Variants in ZNF763 observed in about 807,000 individuals in gnomAD.
The protein encoded by ZNF763 is zinc finger protein 763, also known as DNA-binding protein.
In ZNF763, 33 loss-of-function variants were observed where a neutral mutation model predicts 38.0. That is an observed-to-expected ratio of 0.87 (90% confidence interval 0.66 to 1.16). The LOEUF is 1.16. Ranked by LOEUF, ZNF763 falls within the 50% of genes most tolerant of loss-of-function variation. The pLI, the probability that ZNF763 is intolerant of heterozygous loss-of-function variation, is 0.00. For missense variants in ZNF763, 423 were observed against 469.1 expected (o/e 0.90, Z 0.91); for synonymous variants, 155 against 160.1 (o/e 0.97, Z 0.24).
chr19:11,977,282 T>C (rs1466144837), intron 2 of ZNF763, 89 bp from the exon 3 acceptor site: 14 of 1,604,506 alleles, frequency 8.7e-6, no homozygotes, highest in Non-Finnish European at 1.2e-5. Flanking sequence ...AAATGAGGCA[T>C]GGCTGCAGTA....
chr19:11,974,147 TTTCTTTCTTTCCTTCC>T (rs1483800239), intron 1 of ZNF763, among the ~76,000 whole-genome samples: 3 of 122,746 alleles, frequency 2.4e-5, no homozygotes, highest in Admixed American at 8.2e-5. Context: ...TCTTTCTTTC[TTTCTTTCTTTCCTTCC>T]TTCCTTCCTT....
At chr19:11,976,891 A>G in intron 1 of ZNF763, 147 bp from the exon 2 acceptor site, 1 of 1,511,418 alleles carries the variant, frequency 6.6e-7, no homozygotes, top group Non-Finnish European at 8.8e-7. Context: ...TGCTTTATGG[A>G]AGAAAGTACA....
In ZNF763 at chr19:11,978,531, A is replaced by T. The variant is rs1368887015; in HGVS notation, c.607A>T (p.Lys203Ter). 1.2e-6 allele frequency: 2 copies of T among 1,614,244 alleles called. No individual in the cohort carries two copies. The highest frequency in any genetic ancestry group is 2.2e-5 in the South Asian group (2 of 91,088). The change falls in exon 4 of 4, where the codon AAG becomes TAG. Residue 203 changes from lysine (K) to a stop codon, truncating the protein, a stop_gained. Coordinates refer to ENST00000358987, the MANE Select transcript of ZNF763 (RefSeq NM_001367172.2). LOFTEE classifies it high-confidence loss of function. ...CAGTGGGGATGGACCTTATAAATGT[A>T]AGTTTTGTGGGAAAGCTGTCCATTG... ...MHSGDGPYKC[K>*]FCGKAVHCLR...
At chr19:11,974,550 G>A (rs988200464) in intron 1 of ZNF763, among the ~76,000 whole-genome samples, 4 of 135,462 alleles carry the variant, frequency 3.0e-5, no homozygotes, top group African/African-American at 2.9e-5. Context: ...TCATATGTTT[G>A]TTTGACATAA....
intron 1 of ZNF763, among the ~76,000 whole-genome samples, chr19:11,967,650 A>G (rs1486283703): frequency 6.6e-6 from 1 of 152,026 alleles, no homozygotes. Context: ...TGATCCACCC[A>G]CCTCGGCCTC....
chr19:11,968,030 G>A (rs1017990204), intron 1 of ZNF763, among the ~76,000 whole-genome samples: 9 of 152,166 alleles, frequency 5.9e-5, no homozygotes, highest in African/African-American at 2.2e-4. Flanking sequence ...GGAGTGTAAG[G>A]ATACTTGCAG....
intron 1 of ZNF763, among the ~76,000 whole-genome samples, chr19:11,965,799 C>A (rs973070070): frequency 1.3e-5 from 2 of 152,076 alleles, no homozygotes; most frequent in Non-Finnish European, 2.9e-5. Context: ...GTGAGTGGTC[C>A]CGAGGCGGCT....
intron 1 of ZNF763, 53 bp from the exon 2 acceptor site, chr19:11,976,985 C>T: frequency 6.2e-7 from 1 of 1,609,974 alleles, no homozygotes; most frequent in African/African-American, 1.3e-5. Context: ...GAGTCTAGGC[C>T]CCCACTGCTG....
At chr19:11,973,920 T>C (rs1028944237) in intron 1 of ZNF763, among the ~76,000 whole-genome samples, 2 of 152,116 alleles carry the variant, frequency 1.3e-5, no homozygotes, top group African/African-American at 2.4e-5. Flanking sequence ...GTCTTCCAAA[T>C]TGGCTGTAGA....
At chr19:11,978,024 C>T in intron 3 of ZNF763, 92 bp from the exon 4 acceptor site, 2 of 1,489,962 alleles carry the variant, frequency 1.3e-6, no homozygotes, top group Admixed American at 2.2e-5. Context: ...AAGCCTACAC[C>T]TTGATGGACC....
chr19:11,980,174 G>C lies in ZNF763; in HGVS notation c.*1065G>C. 1 of 598,868 alleles carries C rather than the reference G, an allele frequency of 1.7e-6. No individual in the cohort carries two copies. Among genetic ancestry groups the C allele is most frequent in the Non-Finnish European group, 2.9e-6 (1 of 349,222 alleles). The allele number at this position is 598,868 out of a possible 1,614,324, so 37.1% of individuals were successfully genotyped here. ...GCAGGTGAATCACCTGAGGTCAGGA[G>C]TTCAAGACTGGCCTGATCAATATGA... is the stretch of plus-strand genomic sequence containing the variant. On this transcript the variant is annotated 3_prime_UTR_variant, in exon 4 of 4. Coordinates refer to ENST00000358987, the MANE Select transcript of ZNF763 (RefSeq NM_001367172.2).
intron 1 of ZNF763, among the ~76,000 whole-genome samples, chr19:11,965,889 T>C (rs1055220546): frequency 6.6e-5 from 10 of 152,042 alleles, no homozygotes; most frequent in Non-Finnish European, 1.2e-4. Flanking sequence ...AAGGTGTAAG[T>C]TCCATTGGCA....
rs374238007 is a variant in ZNF763, at chr19:11,978,358, A to G, written c.434A>G (p.Lys145Arg). The change falls in exon 4 of 4, where the codon AAG becomes AGG. Residue 145 changes from lysine (K) to arginine (R), a missense_variant. Lys to Arg is a conservative substitution (Grantham distance 26, BLOSUM62 2). Transcript: ENST00000358987. Reference sequence around the variant, plus strand: ...CAGGACTATGCACCAAAGCCATATAAGTGTCAACAACCTAAGAAAGCCTTC... The same window carrying G: ...CAGGACTATGCACCAAAGCCATATAGGTGTCAACAACCTAAGAAAGCCTTC... Reference protein sequence around the residue: ...EYQDYAPKPYKCQQPKKAFRY... With the variant: ...EYQDYAPKPYRCQQPKKAFRY... 4.3e-6 allele frequency: 7 copies of G among 1,614,106 alleles called. No homozygotes were observed. In the African/African-American group the frequency reaches 6.7e-5, roughly 15 times the overall value.
intron 1 of ZNF763, among the ~76,000 whole-genome samples, chr19:11,973,973 C>T (rs1287615287): frequency 1.3e-5 from 2 of 152,118 alleles, no homozygotes; most frequent in African/African-American, 4.8e-5. Flanking sequence ...TCACTGTCTC[C>T]AGCATTTGGA....
chr19:11,975,761 C>A (rs1973476865), intron 1 of ZNF763, among the ~76,000 whole-genome samples: 1 of 152,138 alleles, frequency 6.6e-6, no homozygotes, highest in African/African-American at 2.4e-5. Context: ...TCCATTCAGT[C>A]ATCAGTGGAT....
chr19:11,971,041 G>A (rs1422362618), intron 1 of ZNF763, among the ~76,000 whole-genome samples: 1 of 152,160 alleles, frequency 6.6e-6, no homozygotes, highest in Non-Finnish European at 1.5e-5. Flanking sequence ...CTTAATTAGT[G>A]TAGAGTTCAA....
At position 11,978,059 on chromosome 19, in the gene ZNF763, T is replaced by C. The variant is rs1480964707; in HGVS notation, c.192-57T>C. ...CATGTTAAAAATGCAAGTGCAATAC[T>C]TGATTAATACAAAATTACTCATAAA... On this transcript the variant is annotated intron_variant, in intron 3 of 3. Coordinates refer to ENST00000358987, the MANE Select transcript of ZNF763 (RefSeq NM_001367172.2). The C allele has an allele frequency of 1.7e-5, 26 of 1,574,568 alleles. No homozygotes were observed. The Middle Eastern group carries it at 5.1e-4, about 31-fold the overall frequency.
At chr19:11,975,562 C>T (rs1419684827) in intron 1 of ZNF763, among the ~76,000 whole-genome samples, 12 of 151,998 alleles carry the variant, frequency 7.9e-5, no homozygotes, top group African/African-American at 2.7e-4. Context: ...CGCGTCCAGC[C>T]AATTTTTCGT....
At chr19:11,975,324 C>T (rs779063056) in intron 1 of ZNF763, among the ~76,000 whole-genome samples, 14 of 151,988 alleles carry the variant, frequency 9.2e-5, no homozygotes, top group Non-Finnish European at 1.5e-4. Context: ...CCGCCCCACC[C>T]ACACCCCCCA....
Sources: gnomAD v4.1 joint callset for allele counts (sites outside exome capture counted in the v4.1 genomes callset) on GRCh38, gnomAD v4.1.1 for gene constraint, MANE v1.5 for transcripts, NCBI Gene and HGNC (gene_info 2026-07-23, HGNC 2026-07-21) for gene names.